The following AATK variants were observed in gnomAD, a reference collection of about 807,000 sequenced individuals.
AATK encodes the protein lemur tail kinase 1, also known as serine/threonine-protein kinase LMTK1.
Under a neutral mutation model 114.3 loss-of-function variants are expected in AATK, and 91 were observed. The observed-to-expected ratio is 0.80, with a 90% CI of 0.67 to 0.95. The LOEUF (loss-of-function observed/expected upper bound fraction) is 0.95. AATK is among the 40% of genes least tolerant of loss of function. The pLI is 0.00. For missense variants in AATK, 2,176 were observed against 1,965.2 expected (o/e 1.11, Z -2.03); for synonymous variants, 1,075 against 916.5 (o/e 1.17, Z -3.12).
In AATK at chr17:81,122,824, C is replaced by A; in HGVS notation, c.1113-1G>T. On this transcript the variant is annotated splice_acceptor_variant, in intron 10 of 13. Transcript: ENST00000326724. LOFTEE classifies it high-confidence loss of function. ...CCAGCAGAACTGCATCACCTCGTAC[C>A]TGCGAGGAGGTCCCCCGGGGGCCAC... 6.5e-7 allele frequency: 1 copy of A among 1,528,040 alleles called. No individual in the cohort carries two copies. Among genetic ancestry groups the A allele is most frequent in the Non-Finnish European group, 8.8e-7 (1 of 1,133,794 alleles). The allele number at this position is 1,528,040 out of a possible 1,614,324, so 94.7% of individuals were successfully genotyped here.
At chr17:81,138,828 GCA>G (rs765828119) in intron 1 of AATK, among the ~76,000 whole-genome samples, 132 of 139,702 alleles carry the variant, frequency 9.4e-4, no homozygotes, top group African/African-American at 2.2e-3. Flanking sequence ...CCACGTGAGC[GCA>G]CACACACCCC....
chr17:81,119,344 G>GCGTGCCCTACCTCTCC, intron 13 of AATK, 36 bp downstream of exon 13: 1 of 1,532,746 alleles, frequency 6.5e-7, no homozygotes, highest in South Asian at 1.2e-5. Flanking sequence ...CCTGCCTCCC[G>GCGTGCCCTACCTCTCC]CGTGCCCTTC....
At chr17:81,163,306 C>A (rs999472461) in intron 1 of AATK, among the ~76,000 whole-genome samples, 3 of 152,140 alleles carry the variant, frequency 2.0e-5, no homozygotes, top group African/African-American at 7.2e-5. Flanking sequence ...ACAAGGCCAG[C>A]CCCCTCCCTT....
At chr17:81,124,042 C>G (rs2060747750) in intron 9 of AATK, among the ~76,000 whole-genome samples, 1 of 152,110 alleles carries the variant, frequency 6.6e-6, no homozygotes, top group Admixed American at 6.5e-5. Context: ...GAGGAGGGGA[C>G]AGTGTCCATG....
In AATK at chr17:81,126,821, T is replaced by G; in HGVS notation, c.622-261A>C. 1 of 1,313,968 alleles carries G rather than the reference T, an allele frequency of 7.6e-7. No individual in the cohort carries two copies. The highest frequency in any genetic ancestry group is 2.2e-5 in the South Asian group (1 of 44,876). 81.4% of individuals were successfully genotyped at this position (1,313,968 alleles called of 1,614,324 possible). A position where few individuals can be genotyped will look rare whatever the true frequency, so the allele number is the denominator to read the frequency against. ...CGGGCAGCAGGAGTCCCTTGGCCTGTGGTAGAGAGAGAAACACAGGGCCCA... is the reference window on the plus strand; with the variant it reads ...CGGGCAGCAGGAGTCCCTTGGCCTGGGGTAGAGAGAGAAACACAGGGCCCA... On this transcript the variant is annotated intron_variant, in intron 6 of 13. Transcript: ENST00000326724. This position sits in a 1 kb window ranked among gnomAD's most constrained non-coding sequence, Gnocchi z 5.1.
chr17:81,127,963 T>C, intron 4 of AATK, 53 bp from the exon 5 acceptor site: 11 of 1,542,592 alleles, frequency 7.1e-6, no homozygotes, highest in Non-Finnish European at 8.7e-6. Context: ...CGGCCCCGGC[T>C]TCCAGGCCTT....
intron 1 of AATK, among the ~76,000 whole-genome samples, chr17:81,135,132 G>C (rs2060990529): frequency 6.6e-6 from 1 of 152,174 alleles, no homozygotes; most frequent in Non-Finnish European, 1.5e-5. Flanking sequence ...GGGAACCATG[G>C]GGAAACCCCG....
rs1460196754 is a variant in AATK, at chr17:81,166,098, G to C, written c.-106C>G. ...ACCCAGCGGCCGCCGCAGGTGCGGA[G>C]CGCGCCGGCCCCCGCGCCCCGCGCC... On this transcript the variant is annotated 5_prime_UTR_variant, in exon 1 of 14. Coordinates refer to ENST00000326724, the MANE Select transcript of AATK (RefSeq NM_001080395.3). 1 of 640,836 alleles carries C rather than the reference G, an allele frequency of 1.6e-6. No homozygotes were observed. The highest frequency in any genetic ancestry group is 1.9e-6 in the Non-Finnish European group (1 of 514,720). 39.7% of individuals were successfully genotyped at this position (640,836 alleles called of 1,614,324 possible).
chr17:81,162,165 C>T (rs1228436111), intron 1 of AATK, among the ~76,000 whole-genome samples: 2 of 152,112 alleles, frequency 1.3e-5, no homozygotes, highest in African/African-American at 4.8e-5. Context: ...CCAGGGCCCA[C>T]GGCCTGCGTG....
At position 81,126,822 on chromosome 17, in the gene AATK, G is replaced by A. The variant is rs1036152721; in HGVS notation, c.622-262C>T. ...GGGCAGCAGGAGTCCCTTGGCCTGTGGTAGAGAGAGAAACACAGGGCCCAA... is the reference window on the plus strand; with the variant it reads ...GGGCAGCAGGAGTCCCTTGGCCTGTAGTAGAGAGAGAAACACAGGGCCCAA... On this transcript the variant is annotated intron_variant, in intron 6 of 13. Transcript: ENST00000326724. The surrounding 1 kb of genome is among the most constrained non-coding windows in gnomAD (Gnocchi z 5.1). 9 of 1,317,108 alleles carry A rather than the reference G, an allele frequency of 6.8e-6. No individual in the cohort carries two copies. Among genetic ancestry groups the A allele is most frequent in the Non-Finnish European group, 3.9e-6 (4 of 1,032,026 alleles). The allele number at this position is 1,317,108 out of a possible 1,614,324, so 81.6% of individuals were successfully genotyped here.
intron 1 of AATK, among the ~76,000 whole-genome samples, chr17:81,154,416 G>C (rs1234213901): frequency 6.7e-6 from 1 of 150,264 alleles, no homozygotes; most frequent in Non-Finnish European, 1.5e-5. Flanking sequence ...CGCCTCCCGG[G>C]TTCAAGCAAT....
chr17:81,119,677 T>A (rs2060667157), intron 12 of AATK, 97 bp from the exon 13 acceptor site: 2 of 547,782 alleles, frequency 3.7e-6, no homozygotes, highest in Non-Finnish European at 4.9e-6. Context: ...CCTCCCATCA[T>A]GTCACGGGCC....
Position 81,118,468 on chromosome 17 carries a change from C to G in AATK, c.4085-26G>C, listed in dbSNP as rs756471563. On this transcript the variant is annotated intron_variant, in intron 13 of 13. Transcript: ENST00000326724. ...CTGGCAAGCAGGACAACAAAGTGAA[C>G]ACAGGGTTCTGAGACACCAGGGCTG... The G allele has an allele frequency of 2.5e-6, 4 of 1,602,736 alleles. No individual in the cohort carries two copies. The South Asian group carries it at 4.5e-5, about 18-fold the overall frequency.
rs1473208091 is a variant in AATK, at chr17:81,117,402, A to G, written c.*1000T>C. 2.0e-5 allele frequency: 3 copies of G among 152,324 alleles called. No individual in the cohort carries two copies. Among genetic ancestry groups the G allele is most frequent in the African/African-American group, 7.2e-5 (3 of 41,470 alleles). 9.4% of individuals were successfully genotyped at this position (152,324 alleles called of 1,614,324 possible). The stretch of plus-strand genomic sequence containing the variant: ...ACAAAACAAATCCCCCTGCGAAGCA[A>G]CAATAAACTTTACATCTCTTTGGCA... On this transcript the variant is annotated 3_prime_UTR_variant, in exon 14 of 14. Coordinates refer to ENST00000326724, the MANE Select transcript of AATK (RefSeq NM_001080395.3).
At chr17:81,161,331 C>T (rs1293216242) in intron 1 of AATK, among the ~76,000 whole-genome samples, 2 of 152,192 alleles carry the variant, frequency 1.3e-5, no homozygotes, top group Non-Finnish European at 2.9e-5. Flanking sequence ...ACGTGGCCTC[C>T]TTCCCGCGTG....
chr17:81,160,797 C>T (rs984593889), intron 1 of AATK, among the ~76,000 whole-genome samples: 6 of 152,236 alleles, frequency 3.9e-5, no homozygotes, highest in East Asian at 1.9e-4. Context: ...AAGCCTACCC[C>T]GGAAGAACCC....
chr17:81,165,275 C>A (rs2146433700), intron 1 of AATK, among the ~76,000 whole-genome samples: 1 of 152,352 alleles, frequency 6.6e-6, no homozygotes, highest in South Asian at 2.1e-4. Flanking sequence ...GCCAGGCAGC[C>A]ATGGGTAATC....
intron 1 of AATK, among the ~76,000 whole-genome samples, chr17:81,147,431 G>A (rs1475448183): frequency 6.6e-6 from 1 of 151,608 alleles, no homozygotes; most frequent in African/African-American, 2.4e-5. Flanking sequence ...TAAAAACAAT[G>A]GTATATCTGC....
intron 1 of AATK, among the ~76,000 whole-genome samples, chr17:81,148,773 C>T (rs761128048): frequency 7.4e-4 from 112 of 151,828 alleles, no homozygotes; most frequent in Non-Finnish European, 8.2e-4. Flanking sequence ...CTCCCACTCA[C>T]GCTCACTCAT....
Sources: allele counts gnomAD v4.1 joint callset (sites outside exome capture counted in the v4.1 genomes callset), GRCh38; gene constraint gnomAD v4.1.1; non-coding constraint Gnocchi (gnomAD v3.1); transcripts MANE v1.5; gene names NCBI Gene and HGNC (gene_info 2026-07-23, HGNC 2026-07-21).